The following TXK variants were observed in gnomAD, a reference collection of about 807,000 sequenced individuals.
TXK encodes the protein TXK tyrosine kinase.
A neutral mutation model predicts 81.0 loss-of-function variants in TXK; 60 were observed. That is an observed-to-expected ratio of 0.74 (90% CI 0.60 to 0.92). The LOEUF (loss-of-function observed/expected upper bound fraction) is 0.92. Among genes scored for constraint, TXK ranks in the 40% least tolerant of loss-of-function variants. The pLI, the probability that TXK is intolerant of heterozygous loss-of-function variation, is 0.00. For missense variants in TXK, 581 were observed against 638.3 expected (o/e 0.91, Z 0.97); for synonymous variants, 203 against 210.7 (o/e 0.96, Z 0.32).
chr4:48,092,465 C>A (rs1717815736), intron 8 of TXK, among the ~76,000 whole-genome samples: 2 of 152,076 alleles, frequency 1.3e-5, no homozygotes, highest in Admixed American at 1.3e-4. Flanking sequence ...ATAGGGGCCA[C>A]TGGTCAAATA....
intron 10 of TXK, 99 bp from the exon 11 acceptor site, chr4:48,080,227 T>C: frequency 1.1e-6 from 1 of 930,870 alleles, no homozygotes; most frequent in Non-Finnish European, 1.7e-6. Context: ...ATCACTCTCA[T>C]TATCAAGATA....
chr4:48,117,624 AG>A (rs1280903188), intron 1 of TXK, among the ~76,000 whole-genome samples: 1 of 152,232 alleles, frequency 6.6e-6, no homozygotes, highest in Non-Finnish European at 1.5e-5. Flanking sequence ...CCAAAGTCTC[AG>A]GGAAAGTAAA....
At chr4:48,094,010 A>G in intron 8 of TXK, 67 bp downstream of exon 8, 1 of 1,599,716 alleles carries the variant, frequency 6.3e-7, no homozygotes, top group Non-Finnish European at 8.6e-7. Flanking sequence ...AGTGCCTGAT[A>G]CCAAAGATGC....
At chr4:48,112,755 T>C (rs757997382) in intron 3 of TXK, among the ~76,000 whole-genome samples, 1 of 152,162 alleles carries the variant, frequency 6.6e-6, no homozygotes, top group Non-Finnish European at 1.5e-5. Flanking sequence ...TTACTGGATT[T>C]TTTTTCATAT....
intron 1 of TXK, among the ~76,000 whole-genome samples, chr4:48,115,018 G>A (rs972542659): frequency 2.8e-5 from 4 of 143,996 alleles, no homozygotes; most frequent in Non-Finnish European, 4.5e-5. Flanking sequence ...TCTAGGTATT[G>A]GTATTTCTTT....
In TXK at chr4:48,086,468, C is replaced by T. The variant is rs1717533539; in HGVS notation, c.954G>A (p.Met318Ile). 1.2e-6 allele frequency: 2 copies of T among 1,613,888 alleles called. No individual in the cohort carries two copies. Among genetic ancestry groups the T allele is most frequent in the Non-Finnish European group, 1.7e-6 (2 of 1,179,928 alleles). Residue 318 changes from methionine (M) to isoleucine (I), a missense_variant and splice_region_variant, in exon 10 of 15, where the codon ATG (methionine) becomes ATA (isoleucine). By Grantham distance (10) the Met-to-Ile change is conservative. Coordinates refer to ENST00000264316, the MANE Select transcript of TXK (RefSeq NM_003328.3). ...EEDFIEEAKV[M>I]MKLSHSKLVQ... The stretch of plus-strand genomic sequence containing the variant: ...ATCAGGGTGTTGTTTATACGTACAT[C>T]ATCACTTTGGCCTCTTCAATGAAAT...
intron 5 of TXK, chr4:48,109,385 T>C (rs1718562033): frequency 6.6e-6 from 1 of 152,124 alleles, no homozygotes; most frequent in Admixed American, 6.6e-5. Context: ...CATTCCAATT[T>C]TAGTATATGC....
At chr4:48,127,343 T>A (rs938310216) in intron 1 of TXK, among the ~76,000 whole-genome samples, 16 of 152,238 alleles carry the variant, frequency 1.1e-4, no homozygotes, top group Non-Finnish European at 2.2e-4. Context: ...CATTTCATGA[T>A]CATTTTCAAT....
At chr4:48,111,079 G>A (rs1718618912) in intron 4 of TXK, among the ~76,000 whole-genome samples, 1 of 152,142 alleles carries the variant, frequency 6.6e-6, no homozygotes, top group African/African-American at 2.4e-5. Flanking sequence ...AGCAAAGACG[G>A]GAATTGCTAA....
intron 9 of TXK, among the ~76,000 whole-genome samples, chr4:48,089,080 C>A (rs1717647873): frequency 6.6e-6 from 1 of 152,130 alleles, no homozygotes; most frequent in Non-Finnish European, 1.5e-5. Context: ...TTCAGCAGCT[C>A]TTTTTAGTAG....
intron 1 of TXK, among the ~76,000 whole-genome samples, chr4:48,131,632 C>G (rs117874357): frequency 1.3e-5 from 2 of 152,146 alleles, no homozygotes; most frequent in African/African-American, 2.4e-5. Flanking sequence ...GAAAGGAGAA[C>G]GAGATTTCAT....
intron 14 of TXK, among the ~76,000 whole-genome samples, chr4:48,068,125 T>A (rs1402335446): frequency 6.6e-6 from 1 of 152,190 alleles, no homozygotes; most frequent in Non-Finnish European, 1.5e-5. Context: ...ATATAAATGT[T>A]TAAATTCAGT....
At chr4:48,128,217 T>C (rs1489240191) in intron 1 of TXK, among the ~76,000 whole-genome samples, 1 of 152,246 alleles carries the variant, frequency 6.6e-6, no homozygotes, top group Non-Finnish European at 1.5e-5. Flanking sequence ...TTGGTCATCA[T>C]AATAACTGGC....
intron 5 of TXK, among the ~76,000 whole-genome samples, chr4:48,108,457 A>T (rs1718531951): frequency 1.3e-5 from 2 of 152,232 alleles, no homozygotes; most frequent in Non-Finnish European, 2.9e-5. Context: ...TCTGCCCAGA[A>T]CCAAAGCACT....
intron 9 of TXK, chr4:48,089,383 T>G: frequency 7.1e-6 from 1 of 141,684 alleles, no homozygotes; most frequent in Non-Finnish European, 1.6e-5. Context: ...GGGAACTAGA[T>G]TCTTTTTTTT....
At chr4:48,074,090 A>G in intron 12 of TXK, 37 bp from the exon 13 acceptor site, 1 of 1,461,864 alleles carries the variant, frequency 6.8e-7, no homozygotes, top group Middle Eastern at 1.7e-4. Flanking sequence ...TGTGTTAATT[A>G]CCTCCAAGCT....
Position 48,073,976 on chromosome 4 carries a change from AG to A in TXK, c.1315del (p.Leu439PhefsTer17), listed in dbSNP as rs771688391. On this transcript the variant is annotated frameshift_variant, in exon 13 of 15. Coordinates refer to ENST00000264316, the MANE Select transcript of TXK (RefSeq NM_003328.3). LOFTEE classifies it high-confidence loss of function. ...PIKWSPPEVF[L>X]FNKYSSKSDV... The stretch of plus-strand genomic sequence containing the variant: ...AGATTTACTGCTGTACTTATTGAAA[AG>A]AAAAACTTCAGGAGGGGACCACTTG... 13 of 1,613,982 alleles carry A rather than the reference AG, an allele frequency of 8.1e-6. No individual in the cohort carries two copies. In the Admixed American group the frequency reaches 2.0e-4, roughly 25 times the overall value.
rs140204529 is a variant in TXK, at chr4:48,122,003, A to T, written c.17-7601T>A. Among the ~76,000 whole-genome samples the T allele has an allele frequency of 2.8e-3, 432 of 152,294 alleles. 4 individuals carry two copies. Among genetic ancestry groups the T allele is most frequent in the African/African-American group, 0.01 (418 of 41,564 alleles). On this transcript the variant is annotated intron_variant, in intron 1 of 14. Coordinates refer to ENST00000264316, the MANE Select transcript of TXK (RefSeq NM_003328.3). ...ACATACTTATTGCTTTCCCCATCTCATCCATCACCACCATGGATAAGCCAC... is the reference window on the plus strand; with the variant it reads ...ACATACTTATTGCTTTCCCCATCTCTTCCATCACCACCATGGATAAGCCAC...
intron 12 of TXK, among the ~76,000 whole-genome samples, chr4:48,074,403 C>T (rs1295777644): frequency 6.6e-6 from 1 of 152,134 alleles, no homozygotes; most frequent in Non-Finnish European, 1.5e-5. Context: ...ACCACTCTTC[C>T]CAGGGGTGGG....
Sources: allele counts gnomAD v4.1 joint callset (sites outside exome capture counted in the v4.1 genomes callset), GRCh38; gene constraint gnomAD v4.1.1; transcripts MANE v1.5; gene names NCBI Gene and HGNC (gene_info 2026-07-23, HGNC 2026-07-21).